SLC36A4: variants seen among roughly 807,000 people sequenced by gnomAD.
SLC36A4 encodes solute carrier family 36 member 4, also known as neutral amino acid uniporter 4.
In SLC36A4, 49 loss-of-function variants were observed where a neutral mutation model predicts 50.5. The observed-to-expected ratio is 0.97, with a 90% CI of 0.77 to 1.23. SLC36A4 has a LOEUF of 1.23. Ranked by LOEUF, SLC36A4 falls within the 50% of genes most tolerant of loss-of-function variation. The pLI is 0.00. For synonymous variants in SLC36A4, 207 were observed against 206.5 expected (o/e 1.00, Z -0.02); for missense variants, 611 against 608.4 (o/e 1.00, Z -0.05).
At chr11:93,182,240 C>CT (rs565372856) in intron 4 of SLC36A4, 1,766 of 760,850 alleles carry the variant, frequency 2.3e-3, no homozygotes, top group Non-Finnish European at 2.6e-3. Flanking sequence ...TCCATTCTCT[C>CT]TTTTTTTTTC....
At position 93,160,716 on chromosome 11, in the gene SLC36A4, A is replaced by G. The variant is rs113643710; in HGVS notation, c.1037+1990T>C. ...ACTTCCCCCCTAAAATATTCCTTAC[A>G]TGCTTTTGTAAATAAGACCGGGAAA... On this transcript the variant is annotated intron_variant, in intron 9 of 10. Transcript: ENST00000326402. 1.4e-5 allele frequency: 14 copies of G among 985,014 alleles called. No individual in the cohort carries two copies. In the African/African-American group the frequency reaches 1.7e-4, roughly 12 times the overall value. 61.0% of individuals were successfully genotyped at this position (985,014 alleles called of 1,614,324 possible).
At chr11:93,190,719 A>C (rs1862182909) in intron 1 of SLC36A4, among the ~76,000 whole-genome samples, 1 of 152,200 alleles carries the variant, frequency 6.6e-6, no homozygotes, top group African/African-American at 2.4e-5. Flanking sequence ...CTAAGTTCTA[A>C]CTATGCGCTT....
intron 1 of SLC36A4, among the ~76,000 whole-genome samples, chr11:93,186,453 T>C (rs1256412998): frequency 2.6e-5 from 4 of 152,204 alleles, no homozygotes; most frequent in Non-Finnish European, 5.9e-5. Flanking sequence ...TTGCATTTAA[T>C]TGAGTTGTTC....
intron 3 of SLC36A4, 32 bp downstream of exon 3, chr11:93,184,398 T>A (rs766650099): frequency 1.5e-5 from 20 of 1,341,354 alleles, no homozygotes; most frequent in Middle Eastern, 3.6e-4. Context: ...GAGAACTGCA[T>A]CTTAACTGGT....
At chr11:93,160,336 G>T in intron 9 of SLC36A4, 3 of 985,358 alleles carry the variant, frequency 3.0e-6, no homozygotes, top group Non-Finnish European at 3.6e-6. Flanking sequence ...CCAGATTTTT[G>T]TTGTTTCTTA....
rs756885560 is a variant in SLC36A4 at position 93,154,146 on chromosome 11, C to T, written c.1169G>A (p.Cys390Tyr). 1 of 1,556,562 alleles carries T rather than the reference C, an allele frequency of 6.4e-7. No individual in the cohort carries two copies. The highest frequency in any genetic ancestry group is 1.3e-5 in the South Asian group (1 of 78,174). Reference sequence around the variant, plus strand: ...CAAGAAGGATCTTATCCCAAATTCACAGATTTGCTTCCATTTAGTATGAAA... The same window carrying T: ...CAAGAAGGATCTTATCCCAAATTCATAGATTTGCTTCCATTTAGTATGAAA... ...SKFHTKWKQI[C>Y]EFGIRSFLVS... The change falls in exon 10 of 11, where the codon TGT (cysteine) becomes TAT (tyrosine). Residue 390 changes from cysteine to tyrosine, a missense_variant. By Grantham distance (194) the Cys-to-Tyr change is radical. Coordinates refer to ENST00000326402, the MANE Select transcript of SLC36A4 (RefSeq NM_152313.4).
At chr11:93,176,324 T>C (rs923812310) in intron 6 of SLC36A4, among the ~76,000 whole-genome samples, 4 of 151,436 alleles carry the variant, frequency 2.6e-5, no homozygotes, top group Non-Finnish European at 5.9e-5. Context: ...CATCCTTTTA[T>C]TTTGAGCCTA....
At chr11:93,157,257 T>G (rs1284842873) in intron 9 of SLC36A4, among the ~76,000 whole-genome samples, 1 of 152,164 alleles carries the variant, frequency 6.6e-6, no homozygotes, top group Non-Finnish European at 1.5e-5. Flanking sequence ...CCCTCTCGTA[T>G]AGTTTAGAGT....
intron 6 of SLC36A4, among the ~76,000 whole-genome samples, chr11:93,177,102 G>A (rs1320955196): frequency 2.0e-5 from 3 of 152,198 alleles, no homozygotes; most frequent in African/African-American, 4.8e-5. Context: ...ATCAGACGTA[G>A]ATTTGGTCTT....
In SLC36A4 at chr11:93,148,738, AAG is replaced by A. The variant is rs1565212440; in HGVS notation, c.1312_1313del (p.Leu438TyrfsTer8). The A allele has an allele frequency of 1.2e-6, 2 of 1,613,022 alleles. No individual in the cohort carries two copies. The highest frequency in any genetic ancestry group is 3.3e-5 in the Admixed American group (2 of 59,838). On this transcript the variant is annotated frameshift_variant, in exon 11 of 11. Transcript: ENST00000326402. LOFTEE classifies it high-confidence loss of function. The stretch of plus-strand genomic sequence containing the variant: ...TATTATAATGTTCCTTCGAAAATGT[AAG>A]AATTTCAACCAAAGGTGGCAGGATT... ...ALILPPLVEI[L>X]TFSKEHYNIW...
At chr11:93,151,863 T>C (rs955464004) in intron 10 of SLC36A4, among the ~76,000 whole-genome samples, 1 of 152,040 alleles carries the variant, frequency 6.6e-6, no homozygotes, top group Non-Finnish European at 1.5e-5. Flanking sequence ...AAAAATGTAA[T>C]GGCTCATAGT....
chr11:93,188,984 G>A (rs931780653), intron 1 of SLC36A4, among the ~76,000 whole-genome samples: 1 of 151,692 alleles, frequency 6.6e-6, no homozygotes, highest in African/African-American at 2.4e-5. Flanking sequence ...CTGTAATCAT[G>A]TCTGTGTTTA....
At chr11:93,153,407 A>C (rs1345800680) in intron 10 of SLC36A4, among the ~76,000 whole-genome samples, 1 of 152,108 alleles carries the variant, frequency 6.6e-6, no homozygotes, top group Admixed American at 6.6e-5. Context: ...AAATGCCATA[A>C]GGAAGTTTTA....
rs1565223392 is a variant in SLC36A4 at position 93,166,403 on chromosome 11, A to G, written c.769-387T>C. 4 of 991,888 alleles carry G rather than the reference A, an allele frequency of 4.0e-6. No individual in the cohort carries two copies. The Admixed American group carries it at 2.4e-4, about 59-fold the overall frequency. 61.4% of individuals were successfully genotyped at this position (991,888 alleles called of 1,614,324 possible). ...ACCACTGCTGCTGGTGCCTAGCAGA[A>G]ATTCATTCTCCACTCTATTTTTATT... On this transcript the variant is annotated intron_variant, in intron 7 of 10. Transcript: ENST00000326402.
In SLC36A4 at chr11:93,147,988, GCTTAT is replaced by G. The variant is rs1213096210; in HGVS notation, c.*544_*548del. Reference sequence around the variant, plus strand: ...ATTCTAGTGTTTGCAATTTTCTGATGCTTATATTATGTTAATGGGAGTTTTCTATA... The same window carrying G: ...ATTCTAGTGTTTGCAATTTTCTGATGATTATGTTAATGGGAGTTTTCTATA... On this transcript the variant is annotated 3_prime_UTR_variant, in exon 11 of 11. Transcript: ENST00000326402. The G allele has an allele frequency of 6.6e-6, 1 of 152,226 alleles. No homozygotes were observed. 9.4% of individuals were successfully genotyped at this position (152,226 alleles called of 1,614,324 possible).
chr11:93,178,851 T>A (rs1861609947), intron 6 of SLC36A4, among the ~76,000 whole-genome samples: 1 of 152,054 alleles, frequency 6.6e-6, no homozygotes, highest in South Asian at 2.1e-4. Flanking sequence ...GCCAGAGCAA[T>A]CAGACAAGAG....
chr11:93,159,953 T>C (rs1347676235), intron 9 of SLC36A4: 2 of 985,318 alleles, frequency 2.0e-6, no homozygotes, highest in Non-Finnish European at 2.4e-6. Flanking sequence ...CTTGTAACAG[T>C]CATTGGCTTT....
At chr11:93,185,461 T>C (rs991400357) in intron 2 of SLC36A4, 7 of 342,148 alleles carry the variant, frequency 2.0e-5, no homozygotes, top group Admixed American at 9.2e-5. Flanking sequence ...AGATCTCCCT[T>C]CTTTCAAGAT....
intron 9 of SLC36A4, chr11:93,160,702 A>T: frequency 1.0e-6 from 1 of 985,270 alleles, no homozygotes; most frequent in Non-Finnish European, 1.2e-6. Flanking sequence ...CTTCCCCCCT[A>T]AAATATTCCT....
Sources: allele counts gnomAD v4.1 joint callset (sites outside exome capture counted in the v4.1 genomes callset), GRCh38; gene constraint gnomAD v4.1.1; transcripts MANE v1.5; gene names NCBI Gene and HGNC (gene_info 2026-07-23, HGNC 2026-07-21).